ANK2: variants seen among roughly 807,000 people sequenced by gnomAD.
ANK2 encodes ankyrin 2, also known as ankyrin-2.
In ANK2, 83 loss-of-function variants were observed where a neutral mutation model predicts 360.5. The observed-to-expected ratio is 0.23, with a 90% CI of 0.19 to 0.28. ANK2 has a LOEUF of 0.28. Among genes scored for constraint, ANK2 ranks in the 10% least tolerant of loss-of-function variants. The pLI is 1.00. For missense variants in ANK2, 4,201 were observed against 4,795.7 expected (o/e 0.88, Z 3.66); for synonymous variants, 1,740 against 1,759.5 (o/e 0.99, Z 0.28).
In ANK2 at chr4:113,356,708, C is replaced by T; in HGVS notation, c.8090C>T (p.Ser2697Leu). ...GTACAACCTCCTTCTCCACTTCCAT[C>T]AAGCATGGACTCCAATTCCAGTCCA... Reference protein sequence around the residue: ...IRVQPPSPLPSSMDSNSSPEE... With the variant: ...IRVQPPSPLPLSMDSNSSPEE... Residue 2697 changes from serine (S) to leucine (L), a missense_variant, in exon 38 of 46, where the codon TCA becomes TTA. Coordinates refer to ENST00000357077, the MANE Select transcript of ANK2 (RefSeq NM_001148.6). 2 of 1,614,128 alleles carry T rather than the reference C, an allele frequency of 1.2e-6. No homozygotes were observed. The highest frequency in any genetic ancestry group is 1.7e-6 in the Non-Finnish European group (2 of 1,179,990).
At chr4:112,827,837 A>G in intron 1 of ANK2, among the ~76,000 whole-genome samples, 1 of 152,230 alleles carries the variant, frequency 6.6e-6, no homozygotes. Flanking sequence ...AAGTGACAAT[A>G]ATATTTTTTA....
intron 2 of ANK2, among the ~76,000 whole-genome samples, chr4:113,188,522 A>G (rs942894806): frequency 5.3e-5 from 8 of 152,214 alleles, no homozygotes; most frequent in African/African-American, 7.2e-5. Flanking sequence ...AACCTGCATC[A>G]AAATTTGAAT....
At chr4:113,132,099 A>G (rs2096074227) in intron 1 of ANK2, among the ~76,000 whole-genome samples, 1 of 152,196 alleles carries the variant, frequency 6.6e-6, no homozygotes, top group Non-Finnish European at 1.5e-5. Flanking sequence ...GAGATGTCAC[A>G]AGTATCAGAC....
At chr4:113,003,774 G>C (rs971057979) in intron 2 of ANK2, among the ~76,000 whole-genome samples, 1 of 152,196 alleles carries the variant, frequency 6.6e-6, no homozygotes, top group Non-Finnish European at 1.5e-5. Flanking sequence ...CTTAACGACA[G>C]GGATATGTTC....
upstream of ANK2, among the ~76,000 whole-genome samples, chr4:112,815,509 C>T (rs191213813): frequency 4.6e-4 from 70 of 152,150 alleles, no homozygotes; most frequent in African/African-American, 1.6e-3. Context: ...TTCATAAGGC[C>T]CTTTCAACCA....
chr4:113,311,435 A>G, intron 24 of ANK2, 36 bp downstream of exon 24: 1 of 1,611,186 alleles, frequency 6.2e-7, no homozygotes, highest in Non-Finnish European at 8.5e-7. Context: ...GTCAGCCAGA[A>G]GTATGTGCAA....
chr4:113,249,766 T>G lies in ANK2; in HGVS notation c.894T>G (p.Asp298Glu). Residue 298 changes from aspartate to glutamate, a missense_variant and splice_region_variant, in exon 10 of 46, where the codon GAT (aspartate) becomes GAG (glutamate). Asp to Glu is a conservative substitution (Grantham distance 45, BLOSUM62 2). Transcript: ENST00000357077. ...RGGQIDAKTR[D>E]GLTPLHCAAR... Reference sequence around the variant, plus strand: ...TAATTCTTTAATTCTTTTGGCAGGATGGGTTGACACCACTTCACTGTGCTG... The same window carrying G: ...TAATTCTTTAATTCTTTTGGCAGGAGGGGTTGACACCACTTCACTGTGCTG... 6.2e-7 allele frequency: 1 copy of G among 1,614,092 alleles called. No homozygotes were observed. The highest frequency in any genetic ancestry group is 8.5e-7 in the Non-Finnish European group (1 of 1,180,004).
rs145075271 is a variant in ANK2, at chr4:112,885,375, T to A, written c.-39-19080T>A. On this transcript the variant is annotated intron_variant, in intron 1 of 30. Transcript: ENST00000503271. ...TTAGCTGGGTGTGGAGGCACGCGCC[T>A]GTAATCCCAGTTACTCGGGAGGCTG... is the stretch of plus-strand genomic sequence containing the variant. Among the ~76,000 whole-genome samples the A allele has an allele frequency of 1.2e-3, 186 of 151,836 alleles. 1 individual carries two copies. The highest frequency in any genetic ancestry group is 4.2e-3 in the African/African-American group (175 of 41,366).
At chr4:113,062,878 T>C (rs1186502507) in intron 1 of ANK2, among the ~76,000 whole-genome samples, 1 of 152,094 alleles carries the variant, frequency 6.6e-6, no homozygotes, top group African/African-American at 2.4e-5. Context: ...ATTTTGCCTT[T>C]TCTGTCTACA....
At chr4:112,790,463 G>C in the ANK2 span, among the ~76,000 whole-genome samples, 1 of 150,966 alleles carries the variant, frequency 6.6e-6, no homozygotes, top group Non-Finnish European at 1.5e-5. Context: ...TCTAGTCAGG[G>C]GCCCCATTAA....
chr4:113,214,652 T>A (rs934671233), intron 4 of ANK2, among the ~76,000 whole-genome samples: 5 of 152,160 alleles, frequency 3.3e-5, no homozygotes, highest in African/African-American at 1.2e-4. Context: ...ACTAAGAGTA[T>A]TAAGCAGCAA....
chr4:112,999,828 T>A (rs1244619150), intron 2 of ANK2, among the ~76,000 whole-genome samples: 1 of 152,276 alleles, frequency 6.6e-6, no homozygotes, highest in South Asian at 2.1e-4. Flanking sequence ...GAGGAGGTGA[T>A]ATATAGAATG....
At chr4:113,218,679 G>A (rs1562961219) in intron 4 of ANK2, among the ~76,000 whole-genome samples, 1 of 152,138 alleles carries the variant, frequency 6.6e-6, no homozygotes, top group Non-Finnish European at 1.5e-5. Flanking sequence ...TGTTAGGTGT[G>A]TTTTTAAAAA....
In ANK2 at chr4:113,282,730, C is replaced by A; in HGVS notation, c.1937C>A (p.Ser646Tyr). 1 of 1,613,896 alleles carries A rather than the reference C, an allele frequency of 6.2e-7. No individual in the cohort carries two copies. The change falls in exon 18 of 46, where the codon TCC (serine) becomes TAC (tyrosine). Residue 646 changes from serine (S) to tyrosine (Y), a missense_variant. Physicochemically the swap from Ser to Tyr is moderately radical, Grantham distance 144. This residue lies in a region of ANK2 where 1,268 missense variants were observed against 1,650.8 expected (regional missense o/e 0.77). Coordinates refer to ENST00000357077, the MANE Select transcript of ANK2 (RefSeq NM_001148.6). Reference sequence around the variant, plus strand: ...AAGAAGAATCAAATGCAGATAGCTTCCACACTCCTGAACTATGGAGCAGAG... The same window carrying A: ...AAGAAGAATCAAATGCAGATAGCTTACACACTCCTGAACTATGGAGCAGAG... ...AAKKNQMQIA[S>Y]TLLNYGAETN...
chr4:112,720,340 A>G, the ANK2 span, among the ~76,000 whole-genome samples: 3 of 152,170 alleles, frequency 2.0e-5, no homozygotes, highest in Admixed American at 1.3e-4. Flanking sequence ...TTACATGTCT[A>G]TAAAAGTCTC....
At chr4:112,953,046 C>A (rs574474441) in intron 2 of ANK2, among the ~76,000 whole-genome samples, 12 of 152,158 alleles carry the variant, frequency 7.9e-5, no homozygotes, top group Admixed American at 1.3e-4. Flanking sequence ...TTCATTTAAT[C>A]CCATGAAACA....
In ANK2 at chr4:113,348,347, A is replaced by T. The variant is rs752840528; in HGVS notation, c.4404+39A>T. 3.1e-6 allele frequency: 5 copies of T among 1,603,058 alleles called. No homozygotes were observed. In the Admixed American group the frequency reaches 8.4e-5, roughly 27 times the overall value. ...AGTGTCACTTGTTATCGGCTGTGTC[A>T]TTGCTGTAACCACTAATAAGAGCAC... is the stretch of plus-strand genomic sequence containing the variant. On this transcript the variant is annotated intron_variant, in intron 36 of 45. Coordinates refer to ENST00000357077, the MANE Select transcript of ANK2 (RefSeq NM_001148.6).
chr4:113,381,715 C>G lies in ANK2; in HGVS notation c.*244C>G, dbSNP rs2154092115. On this transcript the variant is annotated 3_prime_UTR_variant, in exon 46 of 46. Coordinates refer to ENST00000357077, the MANE Select transcript of ANK2 (RefSeq NM_001148.6). ...GCTTCCTGTTTCAGTAGGGGAGTGA[C>G]CTAACTGGCCTAATTAATGGGATAC... 1 of 1,440,966 alleles carries G rather than the reference C, an allele frequency of 6.9e-7. No homozygotes were observed. Among genetic ancestry groups the G allele is most frequent in the East Asian group, 2.5e-5 (1 of 39,930 alleles). 89.3% of individuals were successfully genotyped at this position (1,440,966 alleles called of 1,614,324 possible).
chr4:113,170,563 G>A (rs1425022033), intron 1 of ANK2, among the ~76,000 whole-genome samples: 4 of 152,248 alleles, frequency 2.6e-5, no homozygotes, highest in South Asian at 2.1e-4. Context: ...TTCTTTATTA[G>A]GTTATTATTG....
Sources: allele counts gnomAD v4.1 joint callset (sites outside exome capture counted in the v4.1 genomes callset), GRCh38; gene constraint gnomAD v4.1.1; regional missense constraint gnomAD v4.1.1; transcripts MANE v1.5; gene names NCBI Gene and HGNC (gene_info 2026-07-23, HGNC 2026-07-21).